Variants in IL1R1 observed in about 807,000 individuals in gnomAD.
IL1R1 encodes the protein interleukin 1 receptor type 1, also known as interleukin-1 receptor type 1.
Under a neutral mutation model 50.2 loss-of-function variants are expected in IL1R1, and 22 were observed. The ratio of observed to expected loss-of-function variants is 0.44; its 90% CI spans 0.31 to 0.63. IL1R1 has a LOEUF of 0.63. Among genes scored for constraint, IL1R1 ranks in the 20% least tolerant of loss-of-function variants. IL1R1 has a pLI of 0.07. For synonymous variants in IL1R1, 251 were observed against 236.7 expected, an observed-to-expected ratio of 1.06 and a Z score of -0.55; for missense variants, 509 against 676.2, an observed-to-expected ratio of 0.75 and a Z score of 2.74.
intron 1 of IL1R1, among the ~76,000 whole-genome samples, chr2:102,092,270 G>A (rs13432744): frequency 0.18 from 27,680 of 151,798 alleles, 3,048 homozygotes; most frequent in East Asian, 0.53. Flanking sequence ...CAGAGGGGCG[G>A]GAGGCTGGCA....
intron 1 of IL1R1, among the ~76,000 whole-genome samples, chr2:102,071,900 C>T (rs2104262233): frequency 6.6e-6 from 1 of 152,302 alleles, no homozygotes; most frequent in South Asian, 2.1e-4. Context: ...CTGGACTATA[C>T]ATCCTCCACA....
rs1201594972 is a variant in IL1R1, at chr2:102,166,216, A to G, written c.590A>G (p.His197Arg). The change falls in exon 6 of 12, where the codon CAT (histidine) becomes CGT (arginine). Residue 197 changes from histidine to arginine, a missense_variant. His to Arg is a conservative substitution (Grantham distance 29). Coordinates refer to ENST00000410023, the MANE Select transcript of IL1R1 (RefSeq NM_000877.4). ...AEKHRGNYTC[H>R]ASYTYLGKQY... ...AAGCATAGAGGGAACTATACTTGTC[A>G]TGCATCCTACACATACTTGGGCAAG... 1 of 1,613,762 alleles carries G rather than the reference A, an allele frequency of 6.2e-7. No homozygotes were observed. The highest frequency in any genetic ancestry group is 1.3e-5 in the African/African-American group (1 of 74,874).
intron 1 of IL1R1, among the ~76,000 whole-genome samples, chr2:102,112,835 C>T (rs1680851675): frequency 6.6e-6 from 1 of 152,088 alleles, no homozygotes; most frequent in South Asian, 2.1e-4. Flanking sequence ...AACCCTAATT[C>T]CAGTGATGGT....
rs1680698753 is a variant in IL1R1 at position 102,110,540 on chromosome 2, G to A, written c.-84+5668G>A. Among the ~76,000 whole-genome samples the A allele has an allele frequency of 2.1e-5, 3 of 144,920 alleles. No homozygotes were observed. The South Asian group carries it at 6.5e-4, about 31-fold the overall frequency. Reference sequence around the variant, plus strand: ...CCTGCTAACAAGCTGGTTTTTATTAGACTTCGGCAGTCTCAAAGGAGAAAG... The same window carrying A: ...CCTGCTAACAAGCTGGTTTTTATTAAACTTCGGCAGTCTCAAAGGAGAAAG... On this transcript the variant is annotated intron_variant, in intron 1 of 10. Transcript: ENST00000409329.
intron 1 of IL1R1, among the ~76,000 whole-genome samples, chr2:102,121,843 G>A (rs527448788): frequency 6.6e-6 from 1 of 152,082 alleles, no homozygotes; most frequent in South Asian, 2.1e-4. Flanking sequence ...TTTTTGCTTA[G>A]GCTGTTGTCT....
At position 102,129,577 on chromosome 2, in the gene IL1R1, G is replaced by T. The variant is rs116623592; in HGVS notation, c.-83-24364G>T. 5.7e-3 allele frequency among the ~76,000 whole-genome samples: 870 copies of T among 152,326 alleles called. 9 individuals carry two copies. Among genetic ancestry groups the T allele is most frequent in the African/African-American group, 0.02 (833 of 41,574 alleles). ...AAGGAGCAGTTCAAATCTCAATGAT[G>T]ACTTAGGATGTAGGTCCTTATGGTG... is the stretch of plus-strand genomic sequence containing the variant. On this transcript the variant is annotated intron_variant, in intron 1 of 10. Transcript: ENST00000409329.
Position 102,174,607 on chromosome 2 carries a change from A to C in IL1R1, c.1012A>C (p.Met338Leu). The change falls in exon 10 of 12, where the codon ATG becomes CTG. Residue 338 changes from methionine (M) to leucine (L), a missense_variant. Physicochemically the swap from Met to Leu is conservative, Grantham distance 15 (BLOSUM62 2). Coordinates refer to ENST00000410023, the MANE Select transcript of IL1R1 (RefSeq NM_000877.4). The part of the protein sequence containing the change: ...IYPVTNFQKH[M>L]IGICVTLTVI... Reference sequence around the variant, plus strand: ...TATAGTCACTAATTTCCAGAAGCACATGATTGGTATATGTGTCACGTTGAC... The same window carrying C: ...TATAGTCACTAATTTCCAGAAGCACCTGATTGGTATATGTGTCACGTTGAC... 6.3e-7 allele frequency: 1 copy of C among 1,583,054 alleles called. No individual in the cohort carries two copies. The highest frequency in any genetic ancestry group is 8.6e-7 in the Non-Finnish European group (1 of 1,168,842).
intron 1 of IL1R1, among the ~76,000 whole-genome samples, chr2:102,099,478 G>T (rs561714359): frequency 3.1e-4 from 47 of 152,248 alleles, no homozygotes; most frequent in African/African-American, 1.1e-3. Context: ...CCATCTCTGG[G>T]TTAGGGTACC....
intron 3 of IL1R1, among the ~76,000 whole-genome samples, chr2:102,158,582 G>T (rs1422139339): frequency 2.0e-5 from 3 of 152,216 alleles, no homozygotes; most frequent in Non-Finnish European, 4.4e-5. Context: ...AGAGTATTTG[G>T]CAGGCTTTCA....
At chr2:102,078,770 C>T (rs1198567202) in intron 1 of IL1R1, among the ~76,000 whole-genome samples, 4 of 152,016 alleles carry the variant, frequency 2.6e-5, no homozygotes, top group Non-Finnish European at 4.4e-5. Context: ...GGTACCAACA[C>T]CAGATGAAAA....
chr2:102,110,250 A>G (rs914395315), intron 1 of IL1R1, among the ~76,000 whole-genome samples: 2 of 152,110 alleles, frequency 1.3e-5, no homozygotes, highest in African/African-American at 4.8e-5. Flanking sequence ...CTGCCTCTTA[A>G]TGGACAGTTG....
chr2:102,164,835 T>A lies in IL1R1; in HGVS notation c.123T>A (p.Val41=). Reference sequence around the variant, plus strand: ...TGTCATCTGCAAATGAAATTGATGTTCGTCCCTGTCCTCTTAACCCAAATG... The same window carrying A: ...TGTCATCTGCAAATGAAATTGATGTACGTCCCTGTCCTCTTAACCCAAATG... ...ILVSSANEID[V]RPCPLNPNEH... is the part of the protein sequence containing the mutation. The change falls in exon 4 of 12, where the codon GTT becomes GTA. Residue 41 remains valine, a synonymous_variant. Transcript: ENST00000410023. 3 of 1,614,056 alleles carry A rather than the reference T, an allele frequency of 1.9e-6. No individual in the cohort carries two copies. Among genetic ancestry groups the A allele is most frequent in the Non-Finnish European group, 2.5e-6 (3 of 1,179,952 alleles).
At chr2:102,162,506 A>G (rs1289050799) in intron 3 of IL1R1, among the ~76,000 whole-genome samples, 1 of 151,506 alleles carries the variant, frequency 6.6e-6, no homozygotes, top group Non-Finnish European at 1.5e-5. Context: ...CTTTTAGATT[A>G]ATTGGCATTT....
At chr2:102,132,224 A>C (rs1682077341) in intron 1 of IL1R1, among the ~76,000 whole-genome samples, 1 of 151,536 alleles carries the variant, frequency 6.6e-6, no homozygotes, top group Non-Finnish European at 1.5e-5. Flanking sequence ...TACTAGATGG[A>C]GATCTGGATC....
intron 1 of IL1R1, among the ~76,000 whole-genome samples, chr2:102,121,512 T>A (rs1195121173): frequency 1.3e-5 from 2 of 152,198 alleles, no homozygotes; most frequent in Non-Finnish European, 2.9e-5. Flanking sequence ...CTTGCCTTCC[T>A]TCTTTCTCCT....
At chr2:102,139,200 A>G (rs1466063612), upstream of IL1R1, among the ~76,000 whole-genome samples, 1 of 152,224 alleles carries the variant, frequency 6.6e-6, no homozygotes, top group Non-Finnish European at 1.5e-5. Flanking sequence ...TGCTTGTCCC[A>G]TCAGACTAGG....
At chr2:102,125,304 C>A (rs181448000) in intron 1 of IL1R1, among the ~76,000 whole-genome samples, 1 of 152,182 alleles carries the variant, frequency 6.6e-6, no homozygotes, top group African/African-American at 2.4e-5. Context: ...AACAAACAAA[C>A]GAAACCAATA....
chr2:102,084,891 C>T (rs928912034), intron 1 of IL1R1, among the ~76,000 whole-genome samples: 17 of 152,300 alleles, frequency 1.1e-4, no homozygotes, highest in Non-Finnish European at 1.6e-4. Flanking sequence ...TCTTTACCAG[C>T]GTTTAATATT....
chr2:102,164,924 C>A lies in IL1R1; in HGVS notation c.212C>A (p.Ala71Asp). The A allele has an allele frequency of 6.2e-7, 1 of 1,614,076 alleles. No homozygotes were observed. The highest frequency in any genetic ancestry group is 8.5e-7 in the Non-Finnish European group (1 of 1,179,970). Residue 71 changes from alanine (A) to aspartate (D), a missense_variant, in exon 4 of 12, where the codon GCC becomes GAC. Physicochemically the swap from Ala to Asp is moderately radical, Grantham distance 126 (BLOSUM62 -2). Transcript: ENST00000410023. The part of the protein sequence containing the change: ...DSKTPVSTEQ[A>D]SRIHQHKEKL... ...AAGACACCTGTATCTACAGAACAAG[C>A]CTCCAGGATTCATCAACACAAAGAG...
Sources: gnomAD v4.1 joint callset for allele counts (sites outside exome capture counted in the v4.1 genomes callset) on GRCh38, gnomAD v4.1.1 for gene constraint, MANE v1.5 for transcripts, NCBI Gene and HGNC (gene_info 2026-07-23, HGNC 2026-07-21) for gene names.